The following SLC15A3 variants were observed in gnomAD, a reference collection of about 807,000 sequenced individuals.
SLC15A3 encodes the protein solute carrier family 15 member 3.
A neutral mutation model predicts 49.2 loss-of-function variants in SLC15A3; 39 were observed. The ratio of observed to expected loss-of-function variants is 0.79; its 90% CI spans 0.61 to 1.04. The LOEUF is 1.04. SLC15A3 is among the 50% of genes least tolerant of loss of function. The pLI is 0.00. For synonymous variants in SLC15A3, 339 were observed against 367.0 expected (o/e 0.92, Z 0.87); for missense variants, 758 against 794.8 (o/e 0.95, Z 0.56).
At position 60,942,034 on chromosome 11, in the gene SLC15A3, C is replaced by T; in HGVS notation, c.1107+1G>A. On this transcript the variant is annotated splice_donor_variant, in intron 4 of 7. Transcript: ENST00000227880. LOFTEE classifies it high-confidence loss of function. Reference sequence around the variant, plus strand: ...TGCCGAACACATGCTTTATCTCTCACCGTGTAGCTGCTGCCCTGGGCTCTC... The same window carrying T: ...TGCCGAACACATGCTTTATCTCTCATCGTGTAGCTGCTGCCCTGGGCTCTC... 6.2e-7 allele frequency: 1 copy of T among 1,613,714 alleles called. No individual in the cohort carries two copies. Among genetic ancestry groups the T allele is most frequent in the Non-Finnish European group, 8.5e-7 (1 of 1,179,646 alleles).
intron 2 of SLC15A3, among the ~76,000 whole-genome samples, chr11:60,945,202 C>G (rs560913971): frequency 6.6e-6 from 1 of 152,306 alleles, no homozygotes; most frequent in African/African-American, 2.4e-5. Context: ...AACCCTCACA[C>G]GACGCTGTGA....
chr11:60,943,750 A>T lies in SLC15A3; in HGVS notation c.935T>A (p.Val312Glu). Reference protein sequence around the residue: ...SPQEDIANFQVLVKILPVMVT... With the variant: ...SPQEDIANFQELVKILPVMVT... ...CATGACGGGCAAGATCTTCACCAGCACCTGGAAGTTGGCGATGTCCTCTTG... is the reference window on the plus strand; with the variant it reads ...CATGACGGGCAAGATCTTCACCAGCTCCTGGAAGTTGGCGATGTCCTCTTG... The change falls in exon 3 of 8, where the codon GTG (valine) becomes GAG (glutamate). Residue 312 changes from valine to glutamate, a missense_variant. Around this residue, in one of 3 missense-constraint regions of SLC15A3, gnomAD observed 699 missense variants for 706.7 expected, o/e 0.99. Transcript: ENST00000227880. The T allele has an allele frequency of 6.2e-7, 1 of 1,606,202 alleles. No individual in the cohort carries two copies. The highest frequency in any genetic ancestry group is 8.5e-7 in the Non-Finnish European group (1 of 1,175,940).
chr11:60,939,858 G>A, intron 5 of SLC15A3: 1 of 569,736 alleles, frequency 1.8e-6, no homozygotes, highest in East Asian at 2.9e-5. Context: ...GCTGAGTTTT[G>A]CACTCAATAA....
chr11:60,942,278 T>C (rs1448366879), intron 3 of SLC15A3, 133 bp from the exon 4 acceptor site: 1 of 696,190 alleles, frequency 1.4e-6, no homozygotes, highest in African/African-American at 1.8e-5. Context: ...AGGGAGATAG[T>C]CACCTTCCCA....
In SLC15A3 at chr11:60,951,480, C is replaced by G; in HGVS notation, c.72G>C (p.Ala24=). Residue 24 remains alanine (A), a synonymous_variant, in exon 1 of 8, where the codon GCG becomes GCC. Transcript: ENST00000227880. ...GERQPLLPRG[A]RGPRRWRRAA... ...CCCGCCGCCACCGTCGAGGGCCCCG[C>G]GCACCGCGAGGCAGCAGCGGCTGGC... 1 of 1,324,506 alleles carries G rather than the reference C, an allele frequency of 7.5e-7. No homozygotes were observed. The highest frequency in any genetic ancestry group is 9.7e-7 in the Non-Finnish European group (1 of 1,034,010). 82.0% of individuals were successfully genotyped at this position (1,324,506 alleles called of 1,614,324 possible).
intron 2 of SLC15A3, 36 bp downstream of exon 2, chr11:60,946,496 G>T (rs550600386): frequency 2.0e-6 from 3 of 1,521,174 alleles, no homozygotes; most frequent in South Asian, 2.6e-5. Context: ...GCTTCTCCAG[G>T]CTTGGAGGCT....
At chr11:60,943,486 C>T in intron 3 of SLC15A3, 1 of 434,360 alleles carries the variant, frequency 2.3e-6, no homozygotes, top group Non-Finnish European at 3.9e-6. Context: ...CTCCAGAGTT[C>T]CTCTTGCCGT....
At chr11:60,942,987 CAA>C (rs1277528352) in intron 3 of SLC15A3, 1 of 135,634 alleles carries the variant, frequency 7.4e-6, no homozygotes, top group African/African-American at 2.7e-5. Flanking sequence ...CACACACACA[CAA>C]ACACATCACT....
chr11:60,945,563 G>A (rs111920642), intron 2 of SLC15A3, among the ~76,000 whole-genome samples: 178 of 152,358 alleles, frequency 1.2e-3, no homozygotes, highest in Middle Eastern at 3.4e-3. Flanking sequence ...CCAGACTGGG[G>A]AAAGCATGTT....
At position 60,951,999 on chromosome 11, in the gene SLC15A3, C is replaced by A. The variant is rs1224419757; in HGVS notation, c.-448G>T. 6.6e-6 allele frequency among the ~76,000 whole-genome samples: 1 copy of A among 151,878 alleles called. No individual in the cohort carries two copies. Among genetic ancestry groups the A allele is most frequent in the Non-Finnish European group, 1.5e-5 (1 of 67,940 alleles). Reference sequence around the variant, plus strand: ...TGTCCCCTCTCCTTATGACTCCTGGCCTGCCCTGGGCGTGGGGTGGGGGCT... The same window carrying A: ...TGTCCCCTCTCCTTATGACTCCTGGACTGCCCTGGGCGTGGGGTGGGGGCT... On this transcript the variant is annotated 5_prime_UTR_variant, in exon 1 of 8. Coordinates refer to ENST00000227880, the MANE Select transcript of SLC15A3 (RefSeq NM_016582.3).
Position 60,939,627 on chromosome 11 carries a change from T to C in SLC15A3, c.1288A>G (p.Met430Val). 1.9e-6 allele frequency: 3 copies of C among 1,613,928 alleles called. No individual in the cohort carries two copies. Among genetic ancestry groups the C allele is most frequent in the Non-Finnish European group, 1.7e-6 (2 of 1,179,948 alleles). The change falls in exon 6 of 8, where the codon ATG becomes GTG. Residue 430 changes from methionine to valine, a missense_variant. Met to Val is a conservative substitution (Grantham distance 21). Around this residue, in one of 3 missense-constraint regions of SLC15A3, gnomAD observed 699 missense variants for 706.7 expected, o/e 0.99. Coordinates refer to ENST00000227880, the MANE Select transcript of SLC15A3 (RefSeq NM_016582.3). ...TSVIVAGVLE[M>V]ERLHYIHHNE... ...TGGTGGATGTAGTGTAAGCGCTCCA[T>C]CTCCAGGACTCCTGGTGGAGGAGCA...
intron 4 of SLC15A3, 44 bp from the exon 5 acceptor site, chr11:60,941,334 G>A (rs1344931183): frequency 1.3e-6 from 2 of 1,576,944 alleles, no homozygotes; most frequent in Non-Finnish European, 8.6e-7. Context: ...CAGAGTGCAA[G>A]GAGCCTGGCT....
At position 60,946,769 on chromosome 11, in the gene SLC15A3, C is replaced by T; in HGVS notation, c.611G>A (p.Trp204Ter). 1.2e-6 allele frequency: 2 copies of T among 1,614,022 alleles called. No individual in the cohort carries two copies. Among genetic ancestry groups the T allele is most frequent in the Non-Finnish European group, 1.7e-6 (2 of 1,179,968 alleles). The stretch of plus-strand genomic sequence containing the variant: ...CAGCACAGCACCCAGGTTGATGCTC[C>T]AGTAAAACCAGTTGAAGAAGCGGCG... The part of the protein sequence containing the change: ...ATRRFFNWFY[W>*]SINLGAVLSL... The change falls in exon 2 of 8, where the codon TGG becomes TAG. Residue 204 changes from tryptophan (W) to a stop codon, truncating the protein, a stop_gained. Transcript: ENST00000227880. LOFTEE classifies it high-confidence loss of function.
Position 60,937,841 on chromosome 11 carries a change from T to C in SLC15A3, c.1591+29A>G, listed in dbSNP as rs1444908147. 4 of 1,605,862 alleles carry C rather than the reference T, an allele frequency of 2.5e-6. No individual in the cohort carries two copies. In the Admixed American group the frequency reaches 6.8e-5, roughly 27 times the overall value. Reference sequence around the variant, plus strand: ...CTTTCCAAGCCTCCCTCCATCCATGTCCCACTCCTGGGGAGGCCCCATACT... The same window carrying C: ...CTTTCCAAGCCTCCCTCCATCCATGCCCCACTCCTGGGGAGGCCCCATACT... On this transcript the variant is annotated intron_variant, in intron 7 of 7. Coordinates refer to ENST00000227880, the MANE Select transcript of SLC15A3 (RefSeq NM_016582.3).
At chr11:60,946,214 G>A (rs531977579) in intron 2 of SLC15A3, among the ~76,000 whole-genome samples, 2 of 151,898 alleles carry the variant, frequency 1.3e-5, no homozygotes, top group Admixed American at 6.6e-5. Flanking sequence ...GGCTGGTCTC[G>A]AACTCCCAGG....
intron 1 of SLC15A3, 119 bp from the exon 2 acceptor site, chr11:60,946,940 C>G (rs1010967525): frequency 9.4e-7 from 1 of 1,062,426 alleles, no homozygotes; most frequent in African/African-American, 1.6e-5. Flanking sequence ...CGTTCCGACA[C>G]TTTCCCAGTC....
At chr11:60,938,146 T>A in intron 6 of SLC15A3, 121 bp from the exon 7 acceptor site, 1 of 1,221,956 alleles carries the variant, frequency 8.2e-7, no homozygotes, top group Non-Finnish European at 1.1e-6. Flanking sequence ...TTCCCCTGGA[T>A]GCCTGTCCAC....
chr11:60,948,640 CTCAA>C (rs1856841019), intron 1 of SLC15A3, among the ~76,000 whole-genome samples: 1 of 152,126 alleles, frequency 6.6e-6, no homozygotes, highest in Non-Finnish European at 1.5e-5. Context: ...TTTTGAAGAG[CTCAA>C]ATCCAGTGAT....
Position 60,951,271 on chromosome 11 carries a change from G to C in SLC15A3, c.281C>G (p.Ala94Gly). Residue 94 changes from alanine to glycine, a missense_variant, in exon 1 of 8, where the codon GCC becomes GGC. By Grantham distance (60) the Ala-to-Gly change is moderately conservative (BLOSUM62 0). This residue lies in a region of SLC15A3 where 699 missense variants were observed against 706.7 expected (regional missense o/e 0.99). Coordinates refer to ENST00000227880, the MANE Select transcript of SLC15A3 (RefSeq NM_016582.3). ...GCGGTAGCGGCCCAGGTACACGTCG[G>C]CCAGCCAGCCGCCCACGGGCGCCAG... ...YLLAPVGGWL[A>G]DVYLGRYRAV... is the part of the protein sequence containing the mutation. The C allele has an allele frequency of 6.6e-7, 1 of 1,514,818 alleles. No homozygotes were observed. The highest frequency in any genetic ancestry group is 1.4e-5 in the African/African-American group (1 of 69,078). The allele number at this position is 1,514,818 out of a possible 1,614,324, so 93.8% of individuals were successfully genotyped here.
Sources: gnomAD v4.1 joint callset for allele counts (sites outside exome capture counted in the v4.1 genomes callset) on GRCh38, gnomAD v4.1.1 for gene constraint, gnomAD v4.1.1 regional missense constraint, MANE v1.5 for transcripts, NCBI Gene and HGNC (gene_info 2026-07-23, HGNC 2026-07-21) for gene names.